ATG7: variants seen among roughly 807,000 people sequenced by gnomAD.
ATG7 encodes autophagy related 7.
ATG7 carries 70 observed loss-of-function variants against 82.4 expected under a neutral mutation model. That is an observed-to-expected ratio of 0.85 (90% CI 0.70 to 1.04). The LOEUF is 1.04. Ranked by LOEUF, ATG7 falls within the 50% of genes least tolerant of loss-of-function variation. The probability of loss-of-function intolerance (pLI) is 0.00; values close to 1 mark genes in which losing one functional copy is unlikely to be tolerated. For missense variants in ATG7, 792 were observed against 864.3 expected (o/e 0.92, Z 1.05); for synonymous variants, 287 against 313.0 (o/e 0.92, Z 0.88).
chr3:11,323,321 C>T (rs1950453902), intron 9 of ATG7, among the ~76,000 whole-genome samples: 1 of 152,142 alleles, frequency 6.6e-6, no homozygotes, highest in African/African-American at 2.4e-5. Context: ...CCTGTATGGG[C>T]CAACTCCAGC....
chr3:11,340,350 T>C (rs952050993), intron 11 of ATG7, among the ~76,000 whole-genome samples: 1 of 151,844 alleles, frequency 6.6e-6, no homozygotes, highest in Non-Finnish European at 1.5e-5. Context: ...ACAGTGAAAG[T>C]TGAGCCACCT....
intron 20 of ATG7, among the ~76,000 whole-genome samples, chr3:11,456,822 T>C (rs115640694): frequency 0.012 from 1,842 of 152,316 alleles, 22 homozygotes; most frequent in Non-Finnish European, 0.014. Context: ...TCACACTGTA[T>C]GTGTACCCTT....
rs183645837 is a variant in ATG7 at position 11,304,983 on chromosome 3, C to T, written c.216-1960C>T. ...CATTTCCATCTCCCAAAAAAGACAC[C>T]CTTAGCAATTACTCTCCATCCCCCC... On this transcript the variant is annotated intron_variant, in intron 5 of 20. Transcript: ENST00000693202. Among the ~76,000 whole-genome samples the T allele has an allele frequency of 7.2e-4, 109 of 152,144 alleles. 1 individual carries two copies. The highest frequency in any genetic ancestry group is 3.4e-3 in the Middle Eastern group (1 of 294).
chr3:11,356,231 G>A (rs991753564), intron 14 of ATG7, among the ~76,000 whole-genome samples: 2 of 152,210 alleles, frequency 1.3e-5, no homozygotes, highest in Non-Finnish European at 2.9e-5. Context: ...GTATGCAGTG[G>A]TTAATCTATC....
chr3:11,440,025 G>T (rs2083732513), intron 20 of ATG7, among the ~76,000 whole-genome samples: 2 of 152,204 alleles, frequency 1.3e-5, no homozygotes, highest in Non-Finnish European at 2.9e-5. Context: ...AGAGGAAGAA[G>T]TGCATAGGGT....
intron 20 of ATG7, among the ~76,000 whole-genome samples, chr3:11,471,760 TTGA>T (rs1166690537): frequency 1.5e-5 from 2 of 137,576 alleles, no homozygotes; most frequent in Non-Finnish European, 3.2e-5. Flanking sequence ...TTTTTTTTTT[TTGA>T]AATGTAGTCT....
chr3:11,277,904 C>CT (rs1307846103), intron 1 of ATG7, among the ~76,000 whole-genome samples: 1 of 132,622 alleles, frequency 7.5e-6, no homozygotes, highest in Non-Finnish European at 1.6e-5. Context: ...CCCCCCCCCC[C>CT]ACCAGGAATG....
At chr3:11,380,867 G>A (rs763980506) in intron 19 of ATG7, among the ~76,000 whole-genome samples, 2 of 152,116 alleles carry the variant, frequency 1.3e-5, no homozygotes, top group African/African-American at 2.4e-5. Context: ...TGTAGCCTTC[G>A]TCTGTCTGCC....
At chr3:11,320,869 G>A (rs1950125566) in intron 9 of ATG7, among the ~76,000 whole-genome samples, 1 of 152,214 alleles carries the variant, frequency 6.6e-6, no homozygotes. Flanking sequence ...CATTGTAAGT[G>A]TTCTCTTTAA....
At position 11,425,411 on chromosome 3, in the gene ATG7, A is replaced by G. The variant is rs539710296; in HGVS notation, c.1957-1393A>G. Reference sequence around the variant, plus strand: ...AAAAGAAAAAAAATCTATTTCTTGTATAATTACTGTTCTGGTCTGTTTATG... The same window carrying G: ...AAAAGAAAAAAAATCTATTTCTTGTGTAATTACTGTTCTGGTCTGTTTATG... On this transcript the variant is annotated intron_variant, in intron 19 of 20. Coordinates refer to ENST00000693202, the MANE Select transcript of ATG7 (RefSeq NM_001349232.2). 2.0e-5 allele frequency among the ~76,000 whole-genome samples: 3 copies of G among 152,316 alleles called. No homozygotes were observed. The South Asian group carries it at 6.2e-4, about 32-fold the overall frequency.
At chr3:11,439,868 C>A (rs575026721) in intron 20 of ATG7, among the ~76,000 whole-genome samples, 5 of 152,306 alleles carry the variant, frequency 3.3e-5, no homozygotes, top group Admixed American at 3.3e-4. Context: ...TTTCAGGGCG[C>A]TTTTGTACCT....
intron 20 of ATG7, among the ~76,000 whole-genome samples, chr3:11,538,706 ATTAGCC>A (rs374806102): frequency 5.2e-5 from 5 of 96,548 alleles, no homozygotes; most frequent in African/African-American, 1.4e-4. Flanking sequence ...AAAAAAAAAA[ATTAGCC>A]AAAAAAAAAA....
At chr3:11,524,962 T>G (rs1280494111) in intron 20 of ATG7, among the ~76,000 whole-genome samples, 2 of 152,218 alleles carry the variant, frequency 1.3e-5, no homozygotes, top group Non-Finnish European at 2.9e-5. Flanking sequence ...TATTCTATAT[T>G]TTCCCTAGCC....
Position 11,555,007 on chromosome 3 carries a change from C to T in ATG7, c.*164C>T, listed in dbSNP as rs757490608. 9.5e-6 allele frequency: 8 copies of T among 845,032 alleles called. No individual in the cohort carries two copies. Among genetic ancestry groups the T allele is most frequent in the East Asian group, 2.9e-5 (1 of 34,856 alleles). The allele number at this position is 845,032 out of a possible 1,614,324, so 52.3% of individuals were successfully genotyped here. A position where few individuals can be genotyped will look rare whatever the true frequency, so the allele number is the denominator to read the frequency against. On this transcript the variant is annotated 3_prime_UTR_variant, in exon 21 of 21. Coordinates refer to ENST00000693202, the MANE Select transcript of ATG7 (RefSeq NM_001349232.2). ...CTGCCCAGGAGTGGCCAGTGTTCGG[C>T]GTTGCTCGGGATTCAAGATACCACC... is the stretch of plus-strand genomic sequence containing the variant.
At chr3:11,523,582 G>A (rs932192781) in intron 20 of ATG7, among the ~76,000 whole-genome samples, 7 of 152,236 alleles carry the variant, frequency 4.6e-5, no homozygotes, top group Admixed American at 1.3e-4. Flanking sequence ...GCCTTTGGGA[G>A]GGCCAGGCTT....
chr3:11,479,005 C>CAA (rs2088604196), intron 20 of ATG7, among the ~76,000 whole-genome samples: 1 of 132,618 alleles, frequency 7.5e-6, no homozygotes, highest in African/African-American at 3.1e-5. Context: ...CACACACACA[C>CAA]ACACACACAC....
intron 20 of ATG7, among the ~76,000 whole-genome samples, chr3:11,551,501 G>A (rs964815710): frequency 5.9e-5 from 9 of 152,162 alleles, no homozygotes; most frequent in African/African-American, 1.9e-4. Flanking sequence ...TAGGACTGTC[G>A]CAGCTGTTTT....
At chr3:11,491,117 C>T (rs867338686) in intron 20 of ATG7, among the ~76,000 whole-genome samples, 2 of 152,190 alleles carry the variant, frequency 1.3e-5, no homozygotes, top group Non-Finnish European at 2.9e-5. Flanking sequence ...AGCAATCAAA[C>T]GTAGATTTGG....
At chr3:11,318,161 C>A (rs929529976) in intron 9 of ATG7, among the ~76,000 whole-genome samples, 6 of 152,162 alleles carry the variant, frequency 3.9e-5, no homozygotes, top group South Asian at 2.1e-4. Flanking sequence ...AGAAACCTGT[C>A]CCTGAGACTA....
Sources: allele counts gnomAD v4.1 joint callset (sites outside exome capture counted in the v4.1 genomes callset), GRCh38; gene constraint gnomAD v4.1.1; transcripts MANE v1.5; gene names NCBI Gene and HGNC (gene_info 2026-07-23, HGNC 2026-07-21).